Variants in SIM1 observed in about 807,000 individuals in gnomAD.
SIM1 encodes the protein single-minded homolog 1.
In SIM1, 18 loss-of-function variants were observed where a neutral mutation model predicts 78.2. The ratio of observed to expected loss-of-function variants is 0.23; its 90% CI spans 0.16 to 0.34. The LOEUF (loss-of-function observed/expected upper bound fraction) is 0.34. Among genes scored for constraint, SIM1 ranks in the 10% least tolerant of loss-of-function variants. The pLI is 1.00. For synonymous variants in SIM1, 417 were observed against 385.2 expected, an observed-to-expected ratio of 1.08 and a Z score of -0.97; for missense variants, 939 against 975.1, an observed-to-expected ratio of 0.96 and a Z score of 0.49.
At chr6:100,424,338 GTTGA>G (rs1310666152) in intron 9 of SIM1, among the ~76,000 whole-genome samples, 2 of 152,186 alleles carry the variant, frequency 1.3e-5, no homozygotes, top group African/African-American at 2.4e-5. Flanking sequence ...ATGATGGCAG[GTTGA>G]TTGATCAGTG....
At chr6:100,420,352 T>C (rs1230326958) in intron 10 of SIM1, among the ~76,000 whole-genome samples, 2 of 152,176 alleles carry the variant, frequency 1.3e-5, no homozygotes, top group Non-Finnish European at 2.9e-5. Context: ...TGTGTTCAAA[T>C]TGCATGGGAA....
At chr6:100,422,210 AT>A (rs960383655) in intron 9 of SIM1, among the ~76,000 whole-genome samples, 16 of 149,930 alleles carry the variant, frequency 1.1e-4, no homozygotes, top group South Asian at 4.2e-4. Flanking sequence ...AAACCTGATA[AT>A]TTTTTTTTTA....
chr6:100,458,893 C>T (rs1314223394), intron 2 of SIM1, among the ~76,000 whole-genome samples: 1 of 152,226 alleles, frequency 6.6e-6, no homozygotes. Context: ...GGTTCCCCCT[C>T]CTCCACACAA....
At position 100,390,869 on chromosome 6, in the gene SIM1, G is replaced by A; in HGVS notation, c.1793C>T (p.Ala598Val). Residue 598 changes from alanine (A) to valine (V), a missense_variant, in exon 12 of 12, where the codon GCT becomes GTT. Around this residue, in one of 5 missense-constraint regions of SIM1, gnomAD observed 556 missense variants for 521.9 expected, o/e 1.07. Coordinates refer to ENST00000369208, the MANE Select transcript of SIM1 (RefSeq NM_005068.3). ...AAAACACAGGGAGTGTTTTTTCCCA[G>A]CCCCATTAATGGAAGCCAGTTGGTC... Reference protein sequence around the residue: ...PSDQLASINGAGKKHSLCFAN... With the variant: ...PSDQLASINGVGKKHSLCFAN... 6.2e-7 allele frequency: 1 copy of A among 1,614,144 alleles called. No homozygotes were observed. Among genetic ancestry groups the A allele is most frequent in the African/African-American group, 1.3e-5 (1 of 75,040 alleles).
At chr6:100,408,163 T>G (rs556889976) in intron 10 of SIM1, among the ~76,000 whole-genome samples, 46 of 152,118 alleles carry the variant, frequency 3.0e-4, no homozygotes, top group Non-Finnish European at 5.1e-4. Context: ...ATTCTTTGTA[T>G]GTAGATATCT....
chr6:100,390,558 G>A lies in SIM1; in HGVS notation c.2104C>T (p.His702Tyr), dbSNP rs760078034. ...GCATGCTTGTCAAAATACTGCCGGT[G>A]AGAGCCAAAGCAGTTTGGAGAGACA... ...PTVSPNCFGS[H>Y]RQYFDKHAYT... The change falls in exon 12 of 12, where the codon CAC (histidine) becomes TAC (tyrosine). Residue 702 changes from histidine (H) to tyrosine (Y), a missense_variant. This residue lies in a region of SIM1 where 556 missense variants were observed against 521.9 expected (regional missense o/e 1.07). Coordinates refer to ENST00000369208, the MANE Select transcript of SIM1 (RefSeq NM_005068.3). The A allele has an allele frequency of 1.9e-6, 3 of 1,614,070 alleles. No homozygotes were observed. Among genetic ancestry groups the A allele is most frequent in the East Asian group, 4.5e-5 (2 of 44,902 alleles).
At chr6:100,437,682 G>C (rs562395218) in intron 9 of SIM1, among the ~76,000 whole-genome samples, 1 of 152,146 alleles carries the variant, frequency 6.6e-6, no homozygotes, top group Admixed American at 6.5e-5. Flanking sequence ...CACGAAGAAG[G>C]TGCTCCATAA....
At chr6:100,419,693 G>A (rs1423006533) in intron 10 of SIM1, among the ~76,000 whole-genome samples, 1 of 152,150 alleles carries the variant, frequency 6.6e-6, no homozygotes, top group African/African-American at 2.4e-5. Flanking sequence ...CCAGCCTGGA[G>A]TGCAATGGTG....
rs935818013 is a variant in SIM1, at chr6:100,448,324, A to C, written c.744-72T>G. ...GATGCCCTCCCCACACACCCTCGAC[A>C]GCCGTCTGACACCTAGCTGTCCGCC... On this transcript the variant is annotated intron_variant, in intron 7 of 11. Transcript: ENST00000369208. 4.3e-6 allele frequency: 6 copies of C among 1,398,622 alleles called. No individual in the cohort carries two copies. The Admixed American group carries it at 9.7e-5, about 23-fold the overall frequency. 86.6% of individuals were successfully genotyped at this position (1,398,622 alleles called of 1,614,324 possible).
At chr6:100,407,664 T>C (rs952327811) in intron 10 of SIM1, among the ~76,000 whole-genome samples, 2 of 152,156 alleles carry the variant, frequency 1.3e-5, no homozygotes, top group African/African-American at 2.4e-5. Context: ...TGATATCTCA[T>C]TGAGGCTTTG....
chr6:100,413,472 C>T (rs1329248004), intron 10 of SIM1, among the ~76,000 whole-genome samples: 2 of 152,176 alleles, frequency 1.3e-5, no homozygotes, highest in African/African-American at 4.8e-5. Flanking sequence ...CACTTTTTCT[C>T]ATTTTTTCTT....
chr6:100,436,952 G>C (rs1431089732), intron 9 of SIM1, among the ~76,000 whole-genome samples: 2 of 151,848 alleles, frequency 1.3e-5, no homozygotes, highest in Non-Finnish European at 2.9e-5. Flanking sequence ...TGGCCAGGAT[G>C]GTCTCGATCT....
intron 9 of SIM1, among the ~76,000 whole-genome samples, chr6:100,426,649 ACAATTT>A (rs1771739527): frequency 6.6e-6 from 1 of 152,260 alleles, no homozygotes; most frequent in Admixed American, 6.5e-5. Flanking sequence ...GGAACTATTT[ACAATTT>A]CAAGTGAGTT....
At chr6:100,459,530 G>A (rs1772780506) in intron 2 of SIM1, among the ~76,000 whole-genome samples, 1 of 152,140 alleles carries the variant, frequency 6.6e-6, no homozygotes, top group Admixed American at 6.5e-5. Context: ...GACCCACGTG[G>A]GACATGGGGC....
chr6:100,416,154 C>T (rs1771395678), intron 10 of SIM1, among the ~76,000 whole-genome samples: 1 of 152,170 alleles, frequency 6.6e-6, no homozygotes, highest in African/African-American at 2.4e-5. Context: ...GTGGCTCTGA[C>T]CTAACTCAGC....
chr6:100,412,070 G>A (rs1771204368), intron 10 of SIM1, among the ~76,000 whole-genome samples: 1 of 152,236 alleles, frequency 6.6e-6, no homozygotes, highest in African/African-American at 2.4e-5. Flanking sequence ...GGGTCTCCAA[G>A]TACTAACATG....
chr6:100,431,235 T>C (rs1771892530), intron 9 of SIM1, among the ~76,000 whole-genome samples: 1 of 152,246 alleles, frequency 6.6e-6, no homozygotes, highest in African/African-American at 2.4e-5. Flanking sequence ...ACATTTATTC[T>C]TGATTAAACC....
intron 10 of SIM1, chr6:100,396,112 T>C (rs1294405798): frequency 2.0e-6 from 2 of 982,888 alleles, no homozygotes; most frequent in Non-Finnish European, 2.4e-6. Flanking sequence ...CAGACTCTCT[T>C]TTCACAAGAT....
chr6:100,395,213 G>C (rs1473039124), intron 10 of SIM1, among the ~76,000 whole-genome samples: 3 of 152,130 alleles, frequency 2.0e-5, no homozygotes, highest in Non-Finnish European at 4.4e-5. Context: ...TGATAATGAT[G>C]GGTGCCATTT....
Sources: allele counts gnomAD v4.1 joint callset (sites outside exome capture counted in the v4.1 genomes callset), GRCh38; gene constraint gnomAD v4.1.1; regional missense constraint gnomAD v4.1.1; transcripts MANE v1.5; gene names NCBI Gene and HGNC (gene_info 2026-07-23, HGNC 2026-07-21).